Variants in MICU1 observed in about 807,000 individuals in gnomAD.
MICU1 encodes mitochondrial calcium uptake 1.
Under a neutral mutation model 56.8 loss-of-function variants are expected in MICU1, and 45 were observed. That is an observed-to-expected ratio of 0.79 (90% CI 0.62 to 1.02). The LOEUF is 1.02. Among genes scored for constraint, MICU1 ranks in the 50% least tolerant of loss-of-function variants. MICU1 has a pLI of 0.00. For synonymous variants in MICU1, 186 were observed against 195.1 expected (o/e 0.95, Z 0.39); for missense variants, 504 against 587.1 (o/e 0.86, Z 1.46).
chr10:72,591,780 T>C (rs1346506846), intron 1 of MICU1, among the ~76,000 whole-genome samples: 1 of 151,986 alleles, frequency 6.6e-6, no homozygotes, highest in Non-Finnish European at 1.5e-5. Flanking sequence ...CCCAGCACTT[T>C]GGGAGGTCAA....
chr10:72,532,047 G>C (rs1264814245), intron 5 of MICU1, among the ~76,000 whole-genome samples: 1 of 151,828 alleles, frequency 6.6e-6, no homozygotes, highest in Non-Finnish European at 1.5e-5. Context: ...GCTTGGTGTG[G>C]TGGCTCACGC....
intron 1 of MICU1, among the ~76,000 whole-genome samples, chr10:72,573,307 C>CAA (rs58866778): frequency 0.068 from 1,431 of 20,974 alleles, 213 homozygotes; most frequent in African/African-American, 0.16. Context: ...CCCATCACTA[C>CAA]AAAAAAAAAA....
intron 4 of MICU1, among the ~76,000 whole-genome samples, chr10:72,545,895 C>T (rs1457644687): frequency 6.6e-6 from 1 of 152,170 alleles, no homozygotes; most frequent in Non-Finnish European, 1.5e-5. Flanking sequence ...CTATACTAGT[C>T]AGGCTGGAAT....
intron 10 of MICU1, among the ~76,000 whole-genome samples, chr10:72,403,305 C>T (rs1282097995): frequency 6.6e-6 from 1 of 151,858 alleles, no homozygotes; most frequent in Admixed American, 6.6e-5. Context: ...TTGCAGTGAG[C>T]CGAGATCACG....
At chr10:72,416,163 G>A (rs948739036) in intron 9 of MICU1, among the ~76,000 whole-genome samples, 5 of 152,058 alleles carry the variant, frequency 3.3e-5, no homozygotes, top group African/African-American at 9.6e-5. Context: ...AGGGAATAGG[G>A]GAAAAGTTGA....
At chr10:72,465,807 C>T (rs1366633146) in intron 8 of MICU1, among the ~76,000 whole-genome samples, 2 of 152,138 alleles carry the variant, frequency 1.3e-5, no homozygotes, top group East Asian at 1.9e-4. Context: ...AGCCACCATG[C>T]CTGGCCCTTG....
intron 5 of MICU1, among the ~76,000 whole-genome samples, chr10:72,511,553 T>C (rs1262062389): frequency 6.6e-6 from 1 of 152,154 alleles, no homozygotes; most frequent in Non-Finnish European, 1.5e-5. Context: ...TGTGCCCCAG[T>C]TATAAAGGCA....
At chr10:72,481,487 C>T (rs371637005) in intron 6 of MICU1, among the ~76,000 whole-genome samples, 246 of 152,316 alleles carry the variant, frequency 1.6e-3, no homozygotes, top group African/African-American at 5.7e-3. Context: ...TCTTGGCTCA[C>T]TGCAGCCTTT....
intron 4 of MICU1, among the ~76,000 whole-genome samples, chr10:72,539,746 A>G (rs935181298): frequency 1.8e-4 from 27 of 152,330 alleles, no homozygotes; most frequent in Admixed American, 5.2e-4. Flanking sequence ...TCAAGCAGAT[A>G]GAGAGTAGAA....
intron 5 of MICU1, among the ~76,000 whole-genome samples, chr10:72,516,072 C>G (rs1219969014): frequency 6.6e-6 from 1 of 152,104 alleles, no homozygotes; most frequent in Non-Finnish European, 1.5e-5. Flanking sequence ...AAAAGTGTTC[C>G]TATTTCTCCA....
At chr10:72,505,806 A>T (rs907081193) in intron 6 of MICU1, among the ~76,000 whole-genome samples, 8 of 152,130 alleles carry the variant, frequency 5.3e-5, no homozygotes, top group Non-Finnish European at 8.8e-5. Flanking sequence ...ACTAGGGACT[A>T]CTACAGAGGG....
At chr10:72,425,482 C>T (rs1324351674) in intron 8 of MICU1, among the ~76,000 whole-genome samples, 3 of 152,226 alleles carry the variant, frequency 2.0e-5, no homozygotes, top group Non-Finnish European at 4.4e-5. Context: ...GATGCCCAAG[C>T]AGCAATTCCA....
chr10:72,459,318 G>A (rs902227160), intron 8 of MICU1, among the ~76,000 whole-genome samples: 6 of 152,124 alleles, frequency 3.9e-5, no homozygotes, highest in South Asian at 2.1e-4. Flanking sequence ...GCGGCAGAGC[G>A]AGACTCCATC....
chr10:72,500,154 T>G (rs1477183905), intron 6 of MICU1, among the ~76,000 whole-genome samples: 1 of 150,992 alleles, frequency 6.6e-6, no homozygotes, highest in Non-Finnish European at 1.5e-5. Context: ...TTTAAAGCCC[T>G]GGGTACCAAA....
chr10:72,608,824 T>C (rs1841762734), intron 1 of MICU1, among the ~76,000 whole-genome samples: 1 of 152,310 alleles, frequency 6.6e-6, no homozygotes, highest in East Asian at 1.9e-4. Context: ...GGCACCCAAC[T>C]GTTCAAACCA....
intron 9 of MICU1, among the ~76,000 whole-genome samples, chr10:72,413,550 T>C (rs1267143866): frequency 6.6e-6 from 1 of 152,112 alleles, no homozygotes; most frequent in Non-Finnish European, 1.5e-5. Context: ...CTGACCAATA[T>C]GGTGAAAACC....
At chr10:72,570,232 A>G (rs1214656157) in intron 1 of MICU1, among the ~76,000 whole-genome samples, 1 of 152,216 alleles carries the variant, frequency 6.6e-6, no homozygotes, top group African/African-American at 2.4e-5. Flanking sequence ...GGTGTGAGCC[A>G]CCATGCCCAG....
At chr10:72,430,154 TTTTAAC>T (rs1350158118) in intron 8 of MICU1, among the ~76,000 whole-genome samples, 4 of 152,194 alleles carry the variant, frequency 2.6e-5, no homozygotes, top group African/African-American at 9.7e-5. Context: ...TTCTTCTTTC[TTTTAAC>T]TTTAATTTTC....
At chr10:72,475,358 G>A in intron 7 of MICU1, 61 bp from the exon 8 acceptor site, 1 of 1,368,402 alleles carries the variant, frequency 7.3e-7, no homozygotes, top group Non-Finnish European at 1.0e-6. Flanking sequence ...CATAAACATA[G>A]AAAAGCAAGA....
Sources: gnomAD v4.1 joint callset for allele counts (sites outside exome capture counted in the v4.1 genomes callset) on GRCh38, gnomAD v4.1.1 for gene constraint, MANE v1.5 for transcripts, NCBI Gene and HGNC (gene_info 2026-07-23, HGNC 2026-07-21) for gene names.